RALYL: variants seen among roughly 807,000 people sequenced by gnomAD.
RALYL encodes RALY RNA binding protein like.
In RALYL, 29 loss-of-function variants were observed where a neutral mutation model predicts 35.1. That is an observed-to-expected ratio of 0.83 (90% CI 0.61 to 1.13). The LOEUF (loss-of-function observed/expected upper bound fraction) is 1.13. Ranked by LOEUF, RALYL falls within the 50% of genes most tolerant of loss-of-function variation. RALYL has a pLI of 0.00. For missense variants in RALYL, 359 were observed against 360.4 expected (o/e 1.00, Z 0.03); for synonymous variants, 120 against 127.6 (o/e 0.94, Z 0.40).
At chr8:84,633,083 A>C (rs967197626) in intron 2 of RALYL, among the ~76,000 whole-genome samples, 2 of 150,082 alleles carry the variant, frequency 1.3e-5, no homozygotes, top group Non-Finnish European at 3.0e-5. Flanking sequence ...GATTTACCAT[A>C]AACTAATTTC....
chr8:84,654,434 A>G (rs1829557624), intron 2 of RALYL, among the ~76,000 whole-genome samples: 1 of 151,352 alleles, frequency 6.6e-6, no homozygotes, highest in South Asian at 2.1e-4. Flanking sequence ...TTATTGTATT[A>G]CAAACAATCC....
At chr8:84,214,892 T>C (rs1820401267) in intron 1 of RALYL, among the ~76,000 whole-genome samples, 1 of 151,900 alleles carries the variant, frequency 6.6e-6, no homozygotes. Flanking sequence ...CTTTTATTTT[T>C]TTTTTAATTT....
chr8:84,441,378 T>G (rs2048313935), intron 1 of RALYL, among the ~76,000 whole-genome samples: 1 of 152,094 alleles, frequency 6.6e-6, no homozygotes, highest in Non-Finnish European at 1.5e-5. Context: ...CGGAATATAT[T>G]GGAGAGAAAA....
At position 84,921,311 on chromosome 8, in the gene RALYL, TATTTC is replaced by T. The variant is rs1315366909; in HGVS notation, c.*401_*405del. The T allele has an allele frequency of 6.4e-6, 1 of 155,426 alleles. No individual in the cohort carries two copies. 9.6% of individuals were successfully genotyped at this position (155,426 alleles called of 1,614,324 possible). On this transcript the variant is annotated 3_prime_UTR_variant, in exon 9 of 9. Transcript: ENST00000521268. ...ATATTGCAATTCTGTATTTAAAGCTTATTTCCAACAATGTCATGTAAGAAAAGATG... is the reference window on the plus strand; with the variant it reads ...ATATTGCAATTCTGTATTTAAAGCTTCAACAATGTCATGTAAGAAAAGATG...
intron 6 of RALYL, among the ~76,000 whole-genome samples, chr8:84,866,385 T>C (rs946598147): frequency 2.0e-5 from 3 of 152,176 alleles, no homozygotes; most frequent in African/African-American, 7.2e-5. Context: ...CCAATAGTTA[T>C]TGTAAGAATT....
chr8:84,553,225 A>C (rs925960081), intron 2 of RALYL, among the ~76,000 whole-genome samples: 2 of 152,188 alleles, frequency 1.3e-5, no homozygotes, highest in African/African-American at 4.8e-5. Context: ...GCAGTGGCAC[A>C]ATCATAGCTC....
intron 2 of RALYL, among the ~76,000 whole-genome samples, chr8:84,729,334 G>A (rs1443841592): frequency 6.6e-6 from 1 of 152,030 alleles, no homozygotes; most frequent in African/African-American, 2.4e-5. Context: ...TGTATCCTGA[G>A]ACTTTGCTGA....
chr8:84,659,329 A>C (rs1245911901), intron 2 of RALYL, among the ~76,000 whole-genome samples: 1 of 152,060 alleles, frequency 6.6e-6, no homozygotes, highest in Non-Finnish European at 1.5e-5. Flanking sequence ...GACCCAGAGG[A>C]AGTTCTGGAG....
rs564904795 is a variant in RALYL at position 84,224,835 on chromosome 8, T to G, written c.-24+40411T>G. Among the ~76,000 whole-genome samples the G allele has an allele frequency of 3.9e-5, 6 of 152,224 alleles. No homozygotes were observed. In the South Asian group the frequency reaches 1.0e-3, roughly 26 times the overall value. ...CCAACCCCAGCTAATTTTTGTATTTTCAGTAGAGACAGGGTTTCACCATAT... is the reference window on the plus strand; with the variant it reads ...CCAACCCCAGCTAATTTTTGTATTTGCAGTAGAGACAGGGTTTCACCATAT... On this transcript the variant is annotated intron_variant, in intron 1 of 8. Transcript: ENST00000521268.
intron 8 of RALYL, among the ~76,000 whole-genome samples, chr8:84,888,838 C>A (rs1185937904): frequency 6.6e-6 from 1 of 152,090 alleles, no homozygotes; most frequent in Non-Finnish European, 1.5e-5. Context: ...CAACCTCCGC[C>A]CCCCTGGTTC....
At chr8:84,558,564 A>T (rs2061282189) in intron 2 of RALYL, among the ~76,000 whole-genome samples, 1 of 151,918 alleles carries the variant, frequency 6.6e-6, no homozygotes, top group Non-Finnish European at 1.5e-5. Context: ...TGTTAGCTGA[A>T]CTCACTTCTG....
intron 2 of RALYL, among the ~76,000 whole-genome samples, chr8:84,608,568 C>T (rs943438226): frequency 3.9e-5 from 6 of 152,126 alleles, no homozygotes; most frequent in South Asian, 2.1e-4. Flanking sequence ...CCCAGGGCTG[C>T]GGGTTTTCAT....
At chr8:84,271,875 T>C (rs1365691379) in intron 1 of RALYL, among the ~76,000 whole-genome samples, 1 of 152,078 alleles carries the variant, frequency 6.6e-6, no homozygotes. Flanking sequence ...TGGGGAGTTA[T>C]GAAATAATTT....
chr8:84,340,928 A>G (rs369109777), intron 1 of RALYL, among the ~76,000 whole-genome samples: 5 of 152,044 alleles, frequency 3.3e-5, no homozygotes, highest in African/African-American at 1.2e-4. Context: ...TTACATTCCT[A>G]CCAATACTGT....
chr8:84,505,851 A>T (rs1238540075), intron 1 of RALYL, among the ~76,000 whole-genome samples: 2 of 152,164 alleles, frequency 1.3e-5, no homozygotes, highest in Non-Finnish European at 2.9e-5. Context: ...GGTTAAAGAT[A>T]TAAATTTCAT....
At chr8:84,390,508 C>T (rs1860402424) in intron 1 of RALYL, among the ~76,000 whole-genome samples, 1 of 152,036 alleles carries the variant, frequency 6.6e-6, no homozygotes, top group South Asian at 2.1e-4. Context: ...TGATTATTGC[C>T]ACAATTTCAG....
At chr8:84,838,769 T>G (rs1832563239) in intron 4 of RALYL, among the ~76,000 whole-genome samples, 2 of 152,242 alleles carry the variant, frequency 1.3e-5, no homozygotes, top group African/African-American at 4.8e-5. Flanking sequence ...TCTTTTCCTG[T>G]GTACTTTTAA....
At chr8:84,282,158 T>C (rs1836703702) in intron 1 of RALYL, among the ~76,000 whole-genome samples, 1 of 152,130 alleles carries the variant, frequency 6.6e-6, no homozygotes, top group African/African-American at 2.4e-5. Flanking sequence ...GTCCTGGGAA[T>C]TTTCTCTAAG....
At chr8:84,713,212 T>C (rs1417162415) in intron 2 of RALYL, among the ~76,000 whole-genome samples, 8 of 152,076 alleles carry the variant, frequency 5.3e-5, no homozygotes, top group African/African-American at 1.9e-4. Context: ...GAAGAGACTA[T>C]ACTTTCCCTA....
Sources: gnomAD v4.1 joint callset for allele counts (sites outside exome capture counted in the v4.1 genomes callset) on GRCh38, gnomAD v4.1.1 for gene constraint, MANE v1.5 for transcripts, NCBI Gene and HGNC (gene_info 2026-07-23, HGNC 2026-07-21) for gene names.